Variants in RPTOR observed in about 807,000 individuals in gnomAD.
The protein encoded by RPTOR is regulatory associated protein of MTOR complex 1.
A neutral mutation model predicts 169.9 loss-of-function variants in RPTOR; 21 were observed. The observed-to-expected ratio is 0.12, with a 90% CI of 0.09 to 0.18. The LOEUF (loss-of-function observed/expected upper bound fraction) is 0.18. Among genes scored for constraint, RPTOR ranks in the 10% least tolerant of loss-of-function variants. The pLI is 1.00. For missense variants in RPTOR, 1,133 were observed against 1,855.9 expected (o/e 0.61, Z 7.16); for synonymous variants, 732 against 753.2 (o/e 0.97, Z 0.46).
At chr17:80,885,179 G>A in intron 17 of RPTOR, 31 bp downstream of exon 17, 1 of 1,546,288 alleles carries the variant, frequency 6.5e-7, no homozygotes, top group East Asian at 2.4e-5. Context: ...GCAGCAGCAG[G>A]GCACCCAGGC....
rs370931725 is a variant in RPTOR at position 80,896,594 on chromosome 17, G to A, written c.2401+2729G>A. 9.5e-4 allele frequency among the ~76,000 whole-genome samples: 143 copies of A among 150,612 alleles called. 1 individual carries two copies. The South Asian group carries it at 0.027, about 28-fold the overall frequency. ...CGCCGACACCCCACACGGCCGCGCC[G>A]TCACACCACAGCTGCGGGGGCAGCA... On this transcript the variant is annotated intron_variant, in intron 20 of 33. Transcript: ENST00000306801.
intron 6 of RPTOR, among the ~76,000 whole-genome samples, chr17:80,758,687 C>T (rs1194259679): frequency 6.6e-6 from 1 of 152,052 alleles, no homozygotes; most frequent in Admixed American, 6.5e-5. Context: ...ATGTTCCCGT[C>T]CCCGCTCCCG....
At chr17:80,951,460 G>A (rs376660956) in intron 28 of RPTOR, among the ~76,000 whole-genome samples, 10 of 152,354 alleles carry the variant, frequency 6.6e-5, no homozygotes, top group African/African-American at 1.9e-4. Flanking sequence ...CTCTCACTGC[G>A]GGGGAAGGCA....
chr17:80,804,774 C>T (rs1295749571), intron 7 of RPTOR: 5 of 152,274 alleles, frequency 3.3e-5, no homozygotes, highest in Non-Finnish European at 7.3e-5. Flanking sequence ...ACGTCCATCC[C>T]TTCACGTCCC....
At chr17:80,683,133 C>T (rs942940151) in intron 3 of RPTOR, among the ~76,000 whole-genome samples, 2 of 152,220 alleles carry the variant, frequency 1.3e-5, no homozygotes, top group South Asian at 2.1e-4. Flanking sequence ...GTTGTTTCAG[C>T]TCCGTCTGTG....
At chr17:80,593,695 T>A (rs549785535) in intron 1 of RPTOR, 1 of 152,380 alleles carries the variant, frequency 6.6e-6, no homozygotes, top group South Asian at 2.1e-4. Context: ...CTTCTATTCC[T>A]GAGCCAGACA....
chr17:80,893,668 C>T (rs1443888172), intron 19 of RPTOR, 39 bp from the exon 20 acceptor site: 1 of 1,585,354 alleles, frequency 6.3e-7, no homozygotes, highest in East Asian at 2.3e-5. Flanking sequence ...AAAGGAGGGT[C>T]CCGGGAGCAC....
At chr17:80,772,259 G>C (rs2066851003) in intron 6 of RPTOR, among the ~76,000 whole-genome samples, 1 of 152,100 alleles carries the variant, frequency 6.6e-6, no homozygotes, top group Non-Finnish European at 1.5e-5. Flanking sequence ...TCTTTGTCTT[G>C]GATTGTCTTC....
In RPTOR at chr17:80,619,483, G is replaced by A. The variant is rs541548892; in HGVS notation, c.163-6208G>A. ...CTTGTGATTTGCTTTGAATTCTTTG[G>A]GAGGTGACAGGCGTTAATAGGTTTT... On this transcript the variant is annotated intron_variant, in intron 1 of 33. Transcript: ENST00000306801. Among the ~76,000 whole-genome samples, 4 of 152,254 alleles carry A rather than the reference G, an allele frequency of 2.6e-5. No individual in the cohort carries two copies. The South Asian group carries it at 8.3e-4, about 32-fold the overall frequency.
intron 10 of RPTOR, among the ~76,000 whole-genome samples, 159 bp from the exon 11 acceptor site, chr17:80,846,314 A>G (rs1220057969): frequency 2.0e-5 from 3 of 152,188 alleles, no homozygotes; most frequent in Non-Finnish European, 1.5e-5. Context: ...CCTCTTTGGC[A>G]TGCCCAGAGC....
chr17:80,754,017 C>A lies in RPTOR; in HGVS notation c.662C>A (p.Ala221Glu). 1 of 1,612,586 alleles carries A rather than the reference C, an allele frequency of 6.2e-7. No individual in the cohort carries two copies. Among genetic ancestry groups the A allele is most frequent in the Non-Finnish European group, 8.5e-7 (1 of 1,178,772 alleles). ...LQREQELEVA[A>E]INPNHPLAQM... The stretch of plus-strand genomic sequence containing the variant: ...GAATGTTCTGCCCTTCAGGTAGCTG[C>A]AATCAACCCAAATCACCCTCTTGCT... Residue 221 changes from alanine (A) to glutamate (E), a missense_variant, in exon 6 of 34, where the codon GCA (alanine) becomes GAA (glutamate). Around this residue, in one of 9 missense-constraint regions of RPTOR, gnomAD observed 35 missense variants for 31.8 expected, o/e 1.10. Coordinates refer to ENST00000306801, the MANE Select transcript of RPTOR (RefSeq NM_020761.3). This position sits in a 1 kb window ranked among gnomAD's most constrained non-coding sequence, Gnocchi z 4.2.
intron 4 of RPTOR, among the ~76,000 whole-genome samples, chr17:80,717,507 T>C (rs1235256541): frequency 6.6e-6 from 1 of 152,200 alleles, no homozygotes; most frequent in Non-Finnish European, 1.5e-5. Flanking sequence ...ATAGGTTTAT[T>C]TTGCACATCA....
intron 2 of RPTOR, among the ~76,000 whole-genome samples, chr17:80,641,073 C>A (rs1473542014): frequency 1.3e-5 from 2 of 152,212 alleles, no homozygotes; most frequent in African/African-American, 4.8e-5. Flanking sequence ...TGTTTGTGTA[C>A]TTCGTGGCCC....
intron 11 of RPTOR, among the ~76,000 whole-genome samples, chr17:80,853,943 T>G (rs1267751752): frequency 6.6e-6 from 1 of 151,034 alleles, no homozygotes. Context: ...ATTGCGCCAC[T>G]GCACTCCAGC....
chr17:80,883,197 C>T (rs1230395228), intron 14 of RPTOR, among the ~76,000 whole-genome samples: 1 of 152,216 alleles, frequency 6.6e-6, no homozygotes, highest in Non-Finnish European at 1.5e-5. Context: ...TTCCAAGGAG[C>T]AGTCTGTTCA....
intron 28 of RPTOR, among the ~76,000 whole-genome samples, chr17:80,956,172 G>A (rs1404700387): frequency 6.6e-6 from 1 of 151,960 alleles, no homozygotes; most frequent in East Asian, 1.9e-4. Flanking sequence ...TCCCAGGCAG[G>A]CGCAGGGGCA....
chr17:80,692,217 T>C (rs983568453), intron 3 of RPTOR, among the ~76,000 whole-genome samples: 3 of 152,102 alleles, frequency 2.0e-5, no homozygotes, highest in Admixed American at 2.0e-4. Flanking sequence ...GCTCAAGCCA[T>C]CCTCCCACCT....
chr17:80,644,893 T>C (rs2065582059), intron 3 of RPTOR, among the ~76,000 whole-genome samples: 1 of 152,256 alleles, frequency 6.6e-6, no homozygotes, highest in South Asian at 2.1e-4. Flanking sequence ...TGTGCTTGCA[T>C]TGCCAACTTG....
chr17:80,711,744 C>CTTTTGTTTTTTTTTTTTTTTT (rs2066193151), intron 4 of RPTOR, among the ~76,000 whole-genome samples: 1 of 88,852 alleles, frequency 1.1e-5, no homozygotes, highest in South Asian at 3.4e-4. Flanking sequence ...ATACATCAGT[C>CTTTTGTTTTTTTTTTTTTTTT]TTTTTTTTTT....
Sources: gnomAD v4.1 joint callset for allele counts (sites outside exome capture counted in the v4.1 genomes callset) on GRCh38, gnomAD v4.1.1 for gene constraint, gnomAD v4.1.1 regional missense constraint, Gnocchi (gnomAD v3.1) non-coding constraint, MANE v1.5 for transcripts, NCBI Gene and HGNC (gene_info 2026-07-23, HGNC 2026-07-21) for gene names.